The following CEP57 variants were observed in gnomAD, a reference collection of about 807,000 sequenced individuals.
CEP57 encodes centrosomal protein of 57 kDa.
In CEP57, 40 loss-of-function variants were observed where a neutral mutation model predicts 68.0. The observed-to-expected ratio is 0.59, with a 90% CI of 0.46 to 0.77. The LOEUF is 0.77. Ranked by LOEUF, CEP57 falls within the 30% of genes least tolerant of loss-of-function variation. The pLI is 0.00. For synonymous variants in CEP57, 219 were observed against 198.7 expected, an observed-to-expected ratio of 1.10 and a Z score of -0.86; for missense variants, 606 against 580.7, an observed-to-expected ratio of 1.04 and a Z score of -0.45.
At chr11:95,799,131 TGTC>T in intron 1 of CEP57, 98 bp from the exon 2 acceptor site, 3 of 1,175,048 alleles carry the variant, frequency 2.6e-6, no homozygotes, top group East Asian at 2.4e-5. Context: ...TTTTTTCTGT[TGTC>T]TGTATGGACA....
intron 8 of CEP57, 187 bp from the exon 9 acceptor site, chr11:95,827,599 C>G: frequency 1.5e-6 from 1 of 651,016 alleles, no homozygotes; most frequent in South Asian, 1.9e-5. Context: ...ATTTTCCATT[C>G]TGAAACATAG....
intron 2 of CEP57, among the ~76,000 whole-genome samples, chr11:95,812,660 G>A (rs534720347): frequency 6.6e-6 from 1 of 151,826 alleles, no homozygotes; most frequent in Non-Finnish European, 1.5e-5. Context: ...GGCTGGTCTC[G>A]AACTCCTAAC....
Position 95,829,219 on chromosome 11 carries a change from AG to A in CEP57, c.1161del (p.Glu387AspfsTer7). 6.2e-7 allele frequency: 1 copy of A among 1,614,058 alleles called. No individual in the cohort carries two copies. The highest frequency in any genetic ancestry group is 8.5e-7 in the Non-Finnish European group (1 of 1,180,020). ...CAGCAGCTTGCAAAACTTATCCAGG[AG>A]TCGCCAACCGTTGAACTGAAAGACA... Reference protein sequence around the residue: ...DHQQLAKLIQESPTVELKDKL... With the variant: ...DHQQLAKLIQXSPTVELKDKL... On this transcript the variant is annotated frameshift_variant, in exon 10 of 11. Coordinates refer to ENST00000325542, the MANE Select transcript of CEP57 (RefSeq NM_014679.5). LOFTEE classifies it high-confidence loss of function.
intron 6 of CEP57, 65 bp from the exon 7 acceptor site, chr11:95,821,806 C>G (rs1862528733): frequency 9.0e-7 from 1 of 1,106,506 alleles, no homozygotes; most frequent in Non-Finnish European, 1.4e-6. Flanking sequence ...TTACATGACA[C>G]ATCTGAAATC....
At chr11:95,809,620 G>C (rs1234073255) in intron 2 of CEP57, among the ~76,000 whole-genome samples, 1 of 152,104 alleles carries the variant, frequency 6.6e-6, no homozygotes, top group Non-Finnish European at 1.5e-5. Flanking sequence ...TAAATTACTG[G>C]ACACATACAC....
chr11:95,816,871 C>T (rs557243516), intron 4 of CEP57, among the ~76,000 whole-genome samples: 3 of 151,850 alleles, frequency 2.0e-5, no homozygotes, highest in African/African-American at 4.8e-5. Flanking sequence ...ATTAGCTGGG[C>T]GTGGTGGCAG....
chr11:95,790,371 T>TGCCCCAGCGG, upstream of CEP57: 1 of 456,638 alleles, frequency 2.2e-6, no homozygotes, highest in East Asian at 4.0e-5. Context: ...CGGCGTTGTC[T>TGCCCCAGCGG]GCCCCAGCGG....
At position 95,832,635 on chromosome 11, in the gene CEP57, ACTC is replaced by A. The variant is rs1362440154; in HGVS notation, c.*1382_*1384del. 1.3e-5 allele frequency: 2 copies of A among 151,252 alleles called. No homozygotes were observed. Among genetic ancestry groups the A allele is most frequent in the Admixed American group, 6.6e-5 (1 of 15,176 alleles). 9.4% of individuals were successfully genotyped at this position (151,252 alleles called of 1,614,324 possible). ...TCAACCACCATTTCAGCTATTAAAA[ACTC>A]CTGTTATCTCCTTGTTTGAATTTCA... is the stretch of plus-strand genomic sequence containing the variant. On this transcript the variant is annotated 3_prime_UTR_variant, in exon 11 of 11. Transcript: ENST00000325542.
Position 95,816,261 on chromosome 11 carries a change from T to C in CEP57, c.505-1526T>C, listed in dbSNP as rs184521032. On this transcript the variant is annotated intron_variant, in intron 4 of 10. Transcript: ENST00000325542. ...CCCCTATTAAAACCATCAGATCTCA[T>C]GAGAATTCACTATGATGAGAACAGC... Among the ~76,000 whole-genome samples, 338 of 152,176 alleles carry C rather than the reference T, an allele frequency of 2.2e-3. 3 individuals carry two copies. Among genetic ancestry groups the C allele is most frequent in the African/African-American group, 7.8e-3 (323 of 41,516 alleles).
chr11:95,810,993 C>T (rs965154715), intron 2 of CEP57, among the ~76,000 whole-genome samples: 19 of 152,180 alleles, frequency 1.2e-4, no homozygotes, highest in Admixed American at 3.3e-4. Context: ...TTGGTGGGAT[C>T]GTAAACTAGT....
At chr11:95,828,114 C>G (rs767229792) in intron 9 of CEP57, 87 bp downstream of exon 9, 167 of 1,476,334 alleles carry the variant, frequency 1.1e-4, no homozygotes, top group Non-Finnish European at 1.4e-4. Flanking sequence ...ATCTTACTTT[C>G]CTTTGTTGAG....
chr11:95,827,590 TTTTCCATTCTGAA>T (rs113064432), intron 8 of CEP57, 183 bp from the exon 9 acceptor site: 12,467 of 638,202 alleles, frequency 0.02, 1,038 homozygotes, highest in African/African-American at 0.19. Context: ...TAGGGCCTTA[TTTTCCATTCTGAA>T]ACATAGTTAG....
At chr11:95,806,953 C>A (rs113731268) in intron 2 of CEP57, among the ~76,000 whole-genome samples, 301 of 152,324 alleles carry the variant, frequency 2.0e-3, no homozygotes, top group African/African-American at 6.7e-3. Flanking sequence ...AGTAGCCTAA[C>A]TGGGAGATAC....
At position 95,824,390 on chromosome 11, in the gene CEP57, A is replaced by G. The variant is rs192571014; in HGVS notation, c.885+1814A>G. Among the ~76,000 whole-genome samples, 41 of 147,638 alleles carry G rather than the reference A, an allele frequency of 2.8e-4. 1 individual carries two copies. The highest frequency in any genetic ancestry group is 4.8e-4 in the Admixed American group (7 of 14,648). ...TATGTGGATGCAGGATTGCTATAAG[A>G]AAGGCATACTTGTAGACTCTAATAT... On this transcript the variant is annotated intron_variant, in intron 8 of 10. Coordinates refer to ENST00000325542, the MANE Select transcript of CEP57 (RefSeq NM_014679.5).
chr11:95,799,434 CTT>C, intron 2 of CEP57, 46 bp downstream of exon 2: 1 of 1,606,796 alleles, frequency 6.2e-7, no homozygotes. Context: ...TTTCTTGCTG[CTT>C]TAAAATTCTT....
At chr11:95,791,421 A>C (rs1185609457) in intron 1 of CEP57, among the ~76,000 whole-genome samples, 2 of 152,060 alleles carry the variant, frequency 1.3e-5, no homozygotes, top group African/African-American at 4.8e-5. Context: ...GTATTTCTCA[A>C]ATTGGAGTGT....
chr11:95,802,245 A>G (rs1861611582), intron 2 of CEP57, among the ~76,000 whole-genome samples: 1 of 151,896 alleles, frequency 6.6e-6, no homozygotes, highest in Non-Finnish European at 1.5e-5. Context: ...AGGTTTATAA[A>G]CGTGACATGA....
chr11:95,821,417 A>G (rs1361827067), intron 6 of CEP57, among the ~76,000 whole-genome samples: 2 of 152,258 alleles, frequency 1.3e-5, no homozygotes, highest in Admixed American at 6.5e-5. Context: ...TTTTTTGGAT[A>G]TAAGTTTTCA....
Position 95,829,335 on chromosome 11 carries a change from A to C in CEP57, c.1272+4A>C, listed in dbSNP as rs1465357317. ...AGTTCGAAAATACCAAGCCCAGGTA[A>C]CTCAGTTTTCCTTCACTCAAGTTTC... is the stretch of plus-strand genomic sequence containing the variant. On this transcript the variant is annotated splice_donor_region_variant and intron_variant, in intron 10 of 10. Transcript: ENST00000325542. 16 of 1,613,436 alleles carry C rather than the reference A, an allele frequency of 9.9e-6. No individual in the cohort carries two copies. The highest frequency in any genetic ancestry group is 1.3e-5 in the Non-Finnish European group (15 of 1,179,802).
Sources: allele counts gnomAD v4.1 joint callset (sites outside exome capture counted in the v4.1 genomes callset), GRCh38; gene constraint gnomAD v4.1.1; transcripts MANE v1.5; gene names NCBI Gene and HGNC (gene_info 2026-07-23, HGNC 2026-07-21).